Variants in PSMD1 observed in about 807,000 individuals in gnomAD.
PSMD1 encodes proteasome 26S subunit, non-ATPase 1, also known as 26S proteasome non-ATPase regulatory subunit 1.
In PSMD1, 18 loss-of-function variants were observed where a neutral mutation model predicts 119.0. The ratio of observed to expected loss-of-function variants is 0.15; its 90% CI spans 0.10 to 0.22. The LOEUF is 0.22. PSMD1 is among the 10% of genes least tolerant of loss of function. PSMD1 has a pLI of 1.00. For missense variants in PSMD1, 702 were observed against 1,158.5 expected (o/e 0.61, Z 5.72); for synonymous variants, 374 against 396.6 (o/e 0.94, Z 0.68).
chr2:231,081,885 C>T (rs1252057627), intron 12 of PSMD1, among the ~76,000 whole-genome samples: 3 of 152,156 alleles, frequency 2.0e-5, no homozygotes, highest in Non-Finnish European at 4.4e-5. Context: ...GTACTGCCTC[C>T]TTTCCCTCAA....
At position 231,138,833 on chromosome 2, in the gene PSMD1, G is replaced by T. The variant is rs998343673; in HGVS notation, c.1981G>T (p.Ala661Ser). Residue 661 changes from alanine to serine, a missense_variant, in exon 17 of 25, where the codon GCT becomes TCT. Transcript: ENST00000308696. ...GAAMALGICC[A>S]GTGNKEAINL... ...TGCAATGGCCTTGGGGATATGCTGT[G>T]CTGGTACAGGAAACAAGGTAAAGCC... 56 of 1,613,810 alleles carry T rather than the reference G, an allele frequency of 3.5e-5. No individual in the cohort carries two copies. The highest frequency in any genetic ancestry group is 4.7e-5 in the Non-Finnish European group (55 of 1,179,860).
In PSMD1 at chr2:231,161,441, C is replaced by T. The variant is rs1696638059; in HGVS notation, c.2320C>T (p.Pro774Ser). The change falls in exon 20 of 25, where the codon CCT becomes TCT. Residue 774 changes from proline (P) to serine (S), a missense_variant. By Grantham distance (74) the Pro-to-Ser change is moderately conservative (BLOSUM62 -1). Around this residue, in one of 9 missense-constraint regions of PSMD1, gnomAD observed 152 missense variants for 239.3 expected, o/e 0.64. Transcript: ENST00000308696. ...ATTTACCCAGTTTTGGTTCTGGTTT[C>T]CTCTTTCACACTTCCTGTCATTGGC... The part of the protein sequence containing the change: ...LVFTQFWFWF[P>S]LSHFLSLAYT... 6.2e-7 allele frequency: 1 copy of T among 1,614,058 alleles called. No homozygotes were observed. The highest frequency in any genetic ancestry group is 1.3e-5 in the African/African-American group (1 of 75,002).
chr2:231,130,655 G>A (rs1014540009), intron 16 of PSMD1, among the ~76,000 whole-genome samples: 4 of 152,106 alleles, frequency 2.6e-5, no homozygotes, highest in Middle Eastern at 3.4e-3. Context: ...ATGGGGTTTC[G>A]CGGGAATGCC....
intron 18 of PSMD1, among the ~76,000 whole-genome samples, chr2:231,147,588 C>G (rs1696281935): frequency 6.6e-6 from 1 of 152,220 alleles, no homozygotes; most frequent in Non-Finnish European, 1.5e-5. Context: ...TCAGCCAAAA[C>G]TTCTCATTCT....
At chr2:231,094,736 A>T (rs1290391265) in intron 16 of PSMD1, among the ~76,000 whole-genome samples, 4 of 152,260 alleles carry the variant, frequency 2.6e-5, no homozygotes, top group Admixed American at 6.5e-5. Flanking sequence ...TTTTATAGGC[A>T]CAACTACAGA....
intron 16 of PSMD1, among the ~76,000 whole-genome samples, chr2:231,094,141 CG>C (rs565785449): frequency 4.6e-5 from 7 of 152,010 alleles, no homozygotes; most frequent in African/African-American, 1.4e-4. Flanking sequence ...GTTGGAGGGG[CG>C]GTGCCGTCCT....
In PSMD1 at chr2:231,056,936, G is replaced by T. The variant is rs1693605956; in HGVS notation, c.-90G>T. On this transcript the variant is annotated 5_prime_UTR_variant, in exon 1 of 25. It adds an upstream start codon to the 5' untranslated region. Transcript: ENST00000308696. ...GAGCAGCGCACCCGGGGAGCAAGGAGGCGCGGTGAACTGAGCGGCCCCTGA... is the reference window on the plus strand; with the variant it reads ...GAGCAGCGCACCCGGGGAGCAAGGATGCGCGGTGAACTGAGCGGCCCCTGA... The T allele has an allele frequency of 1.3e-6, 2 of 1,506,720 alleles. No individual in the cohort carries two copies. The highest frequency in any genetic ancestry group is 1.8e-6 in the Non-Finnish European group (2 of 1,118,664). The allele number at this position is 1,506,720 out of a possible 1,614,324, so 93.3% of individuals were successfully genotyped here.
At chr2:231,070,671 G>A (rs1694021940) in intron 6 of PSMD1, among the ~76,000 whole-genome samples, 2 of 151,980 alleles carry the variant, frequency 1.3e-5, no homozygotes, top group Admixed American at 1.3e-4. Context: ...GAAAAGTAAG[G>A]CTTCTCTTTC....
intron 18 of PSMD1, among the ~76,000 whole-genome samples, chr2:231,153,171 G>GTT (rs1224662967): frequency 1.2e-3 from 181 of 152,300 alleles, no homozygotes; most frequent in African/African-American, 4.1e-3. Flanking sequence ...GGAACTGAAG[G>GTT]ACCATGCTTT....
At chr2:231,161,056 T>G (rs1449069496) in intron 19 of PSMD1, among the ~76,000 whole-genome samples, 1 of 151,762 alleles carries the variant, frequency 6.6e-6, no homozygotes, top group Non-Finnish European at 1.5e-5. Flanking sequence ...TACAAAAAAT[T>G]TAAAAATCAG....
chr2:231,065,237 A>G (rs997003531), intron 4 of PSMD1, among the ~76,000 whole-genome samples: 4 of 151,268 alleles, frequency 2.6e-5, no homozygotes, highest in Non-Finnish European at 5.9e-5. Context: ...ATTAATGTAT[A>G]TGTCATTCCT....
Position 231,138,755 on chromosome 2 carries a change from A to C in PSMD1, c.1903A>C (p.Ser635Arg). 1.2e-6 allele frequency: 2 copies of C among 1,614,064 alleles called. No individual in the cohort carries two copies. Among genetic ancestry groups the C allele is most frequent in the Non-Finnish European group, 1.7e-6 (2 of 1,179,934 alleles). Residue 635 changes from serine to arginine, a missense_variant, in exon 17 of 25, where the codon AGT becomes CGT. This residue lies in a region of PSMD1 where 272 missense variants were observed against 511.6 expected (regional missense o/e 0.53). Transcript: ENST00000308696. ...ILFRTPEQCPSVVSLLSESYN... is the reference protein window; with the variant it reads ...ILFRTPEQCPRVVSLLSESYN... ...TATCAGAACCCCTGAACAGTGCCCAAGTGTTGTCTCTTTGTTGTCAGAGAG... is the reference window on the plus strand; with the variant it reads ...TATCAGAACCCCTGAACAGTGCCCACGTGTTGTCTCTTTGTTGTCAGAGAG...
chr2:231,096,785 G>T (rs1694737292), intron 16 of PSMD1, among the ~76,000 whole-genome samples: 1 of 152,176 alleles, frequency 6.6e-6, no homozygotes, highest in Non-Finnish European at 1.5e-5. Context: ...ATTGGCTAGG[G>T]TTAGACCGCA....
Position 231,153,605 on chromosome 2 carries a change from T to C in PSMD1, c.2157T>C (p.Asp719=). Residue 719 remains aspartate (D), a synonymous_variant, in exon 19 of 25, where the codon GAT becomes GAC. Transcript: ENST00000308696. ...FRQLYSKVIN[D]KHDDVMAKFG... ...AGCTGTATTCCAAAGTCATCAATGA[T>C]AAGCATGATGATGTCATGGCCAAGT... The C allele has an allele frequency of 1.2e-6, 2 of 1,614,012 alleles. No individual in the cohort carries two copies. Among genetic ancestry groups the C allele is most frequent in the South Asian group, 2.2e-5 (2 of 91,054 alleles).
chr2:231,072,064 A>G, intron 6 of PSMD1, 125 bp from the exon 7 acceptor site: 2 of 710,978 alleles, frequency 2.8e-6, no homozygotes. Context: ...GCTAGACTGG[A>G]TAGTCTGCCC....
chr2:231,119,789 T>G (rs1316745046), intron 16 of PSMD1, among the ~76,000 whole-genome samples: 1 of 149,566 alleles, frequency 6.7e-6, no homozygotes, highest in African/African-American at 2.5e-5. Context: ...GAGAATCGTT[T>G]GAACCTGTGG....
chr2:231,146,284 C>G lies in PSMD1; in HGVS notation c.2043C>G (p.Asn681Lys), dbSNP rs2125254311. 1 of 1,613,878 alleles carries G rather than the reference C, an allele frequency of 6.2e-7. No individual in the cohort carries two copies. Among genetic ancestry groups the G allele is most frequent in the South Asian group, 1.1e-5 (1 of 91,068 alleles). Reference protein sequence around the residue: ...LLEPMTNDPVNYVRQGALIAS... With the variant: ...LLEPMTNDPVKYVRQGALIAS... The stretch of plus-strand genomic sequence containing the variant: ...AACCAATGACAAACGACCCCGTGAA[C>G]TACGTGAGGCAAGGGGCACTCATAG... The change falls in exon 18 of 25, where the codon AAC (asparagine) becomes AAG (lysine). Residue 681 changes from asparagine (N) to lysine (K), a missense_variant. Physicochemically the swap from Asn to Lys is moderately conservative, Grantham distance 94. This residue lies in a region of PSMD1 where 272 missense variants were observed against 511.6 expected (regional missense o/e 0.53). Transcript: ENST00000308696.
At chr2:231,150,454 G>A (rs1004990830) in intron 18 of PSMD1, among the ~76,000 whole-genome samples, 9 of 151,804 alleles carry the variant, frequency 5.9e-5, no homozygotes, top group Admixed American at 2.0e-4. Flanking sequence ...ATATATGTGC[G>A]TATGTGTGTT....
chr2:231,071,437 T>G (rs1209302956), intron 6 of PSMD1, among the ~76,000 whole-genome samples: 1 of 152,142 alleles, frequency 6.6e-6, no homozygotes, highest in African/African-American at 2.4e-5. Flanking sequence ...GGATAAACAG[T>G]GTTAATTGTA....
Sources: allele counts gnomAD v4.1 joint callset (sites outside exome capture counted in the v4.1 genomes callset), GRCh38; gene constraint gnomAD v4.1.1; regional missense constraint gnomAD v4.1.1; transcripts MANE v1.5; gene names NCBI Gene and HGNC (gene_info 2026-07-23, HGNC 2026-07-21).